CACNA2D4: variants seen among roughly 807,000 people sequenced by gnomAD.
CACNA2D4 encodes the protein voltage-dependent calcium channel subunit alpha-2/delta-4.
Under a neutral mutation model 163.8 loss-of-function variants are expected in CACNA2D4, and 157 were observed. The ratio of observed to expected loss-of-function variants is 0.96; its 90% CI spans 0.84 to 1.09. The LOEUF (loss-of-function observed/expected upper bound fraction) is 1.09. Ranked by LOEUF, CACNA2D4 falls within the 50% of genes least tolerant of loss-of-function variation. CACNA2D4 has a pLI of 0.00. For missense variants in CACNA2D4, 1,410 were observed against 1,479.9 expected, an observed-to-expected ratio of 0.95 and a Z score of 0.78; for synonymous variants, 598 against 586.9, an observed-to-expected ratio of 1.02 and a Z score of -0.27.
rs1215640135 is a variant in CACNA2D4 at position 1,844,116 on chromosome 12, T to C, written c.2470+286A>G. Among the ~76,000 whole-genome samples, 2 of 152,306 alleles carry C rather than the reference T, an allele frequency of 1.3e-5. No individual in the cohort carries two copies. Among genetic ancestry groups the C allele is most frequent in the Admixed American group, 6.5e-5 (1 of 15,300 alleles). ...GACTCTTCTGATCTCATATTTGGAA[T>C]TGGGGCTAGAATCCCATGCTGGGTT... On this transcript the variant is annotated intron_variant, in intron 25 of 37. Coordinates refer to ENST00000382722, the MANE Select transcript of CACNA2D4 (RefSeq NM_172364.5). The surrounding 1 kb of genome is among the most constrained non-coding windows in gnomAD (Gnocchi z 4.2).
intron 2 of CACNA2D4, among the ~76,000 whole-genome samples, 170 bp downstream of exon 2, chr12:1,914,684 C>T (rs1866920023): frequency 6.6e-6 from 1 of 152,188 alleles, no homozygotes; most frequent in Admixed American, 6.5e-5. Flanking sequence ...CCCCACTGCC[C>T]TGCTTTGGGA....
intron 23 of CACNA2D4, among the ~76,000 whole-genome samples, chr12:1,847,895 A>T (rs1015625500): frequency 6.6e-6 from 1 of 152,110 alleles, no homozygotes; most frequent in African/African-American, 2.4e-5. Flanking sequence ...CCATTATTAC[A>T]CCTTAAAAAA....
In CACNA2D4 at chr12:1,798,366, C is replaced by A. The variant is rs1475472210; in HGVS notation, c.2996-831G>T. On this transcript the variant is annotated intron_variant, in intron 34 of 37. Coordinates refer to ENST00000382722, the MANE Select transcript of CACNA2D4 (RefSeq NM_172364.5). This position sits in a 1 kb window ranked among gnomAD's most constrained non-coding sequence, Gnocchi z 4.3. ...AGGCAGGGAGCACAGGTGTGAGCTA[C>A]CTTCCCAGGCTCATGCAGAGTCCTA... 6.6e-6 allele frequency among the ~76,000 whole-genome samples: 1 copy of A among 152,122 alleles called. No homozygotes were observed. Among genetic ancestry groups the A allele is most frequent in the African/African-American group, 2.4e-5 (1 of 41,426 alleles).
At position 1,802,069 on chromosome 12, in the gene CACNA2D4, A is replaced by G. The variant is rs1487794662; in HGVS notation, c.2722-425T>C. Among the ~76,000 whole-genome samples, 1 of 150,204 alleles carries G rather than the reference A, an allele frequency of 6.7e-6. No homozygotes were observed. Among genetic ancestry groups the G allele is most frequent in the East Asian group, 2.0e-4 (1 of 4,960 alleles). On this transcript the variant is annotated intron_variant, in intron 29 of 37. Coordinates refer to ENST00000382722, the MANE Select transcript of CACNA2D4 (RefSeq NM_172364.5). The surrounding 1 kb of genome is among the most constrained non-coding windows in gnomAD (Gnocchi z 4.7). ...TGTGTGTGTGTGTGTGTTGGGTCAG[A>G]TATAAAACACGTTTCTGCAGGTCAA... is the stretch of plus-strand genomic sequence containing the variant.
intron 26 of CACNA2D4, among the ~76,000 whole-genome samples, chr12:1,838,814 CGCA>C (rs1565703337): frequency 1.7e-4 from 26 of 152,238 alleles, no homozygotes; most frequent in African/African-American, 5.5e-4. Context: ...GCAGCACAGG[CGCA>C]GGCTTGGCTG....
chr12:1,816,427 C>G (rs1430479015), intron 26 of CACNA2D4, among the ~76,000 whole-genome samples: 1 of 152,134 alleles, frequency 6.6e-6, no homozygotes, highest in African/African-American at 2.4e-5. Context: ...GAGGACAAAT[C>G]TCAGACCCCT....
chr12:1,795,406 A>G (rs746736655), intron 36 of CACNA2D4, 25 bp from the exon 37 acceptor site: 24 of 1,598,766 alleles, frequency 1.5e-5, no homozygotes, highest in East Asian at 2.2e-5. Flanking sequence ...GTTAAGGTCA[A>G]TATCTCAGGA....
At chr12:1,808,177 C>T (rs1053809067) in intron 29 of CACNA2D4, among the ~76,000 whole-genome samples, 6 of 152,024 alleles carry the variant, frequency 3.9e-5, no homozygotes, top group African/African-American at 9.7e-5. Context: ...CTGGAGAGGC[C>T]ACGTGCTCTC....
chr12:1,831,047 C>T, intron 26 of CACNA2D4: 1 of 1,614,072 alleles, frequency 6.2e-7, no homozygotes, highest in Non-Finnish European at 8.5e-7. Flanking sequence ...TTGGCCTCAC[C>T]ACGGTGCCCC....
At chr12:1,835,061 T>G (rs1592697629) in intron 26 of CACNA2D4, 1 of 257,468 alleles carries the variant, frequency 3.9e-6, no homozygotes, top group Non-Finnish European at 7.4e-6. Flanking sequence ...TGCCCTGGGG[T>G]GGCCATAGCT....
intron 18 of CACNA2D4, among the ~76,000 whole-genome samples, chr12:1,861,529 G>A (rs748564266): frequency 1.3e-5 from 2 of 150,994 alleles, no homozygotes; most frequent in Non-Finnish European, 2.9e-5. Flanking sequence ...TGCAACCTCC[G>A]CCTCCTGGGT....
intron 20 of CACNA2D4, 82 bp downstream of exon 20, chr12:1,858,495 G>A (rs1198901395): frequency 4.0e-6 from 5 of 1,245,154 alleles, no homozygotes; most frequent in African/African-American, 1.5e-5. Context: ...ACTGGCTCTG[G>A]TTGGGGTTGG....
intron 6 of CACNA2D4, among the ~76,000 whole-genome samples, chr12:1,904,481 C>T (rs1348976791): frequency 6.6e-6 from 1 of 151,684 alleles, no homozygotes; most frequent in Non-Finnish European, 1.5e-5. Flanking sequence ...TCATATACCC[C>T]ATAAATATAT....
At chr12:1,831,348 G>T in intron 26 of CACNA2D4, 1 of 1,613,826 alleles carries the variant, frequency 6.2e-7, no homozygotes, top group Non-Finnish European at 8.5e-7. Flanking sequence ...TGGTCTTTTC[G>T]ACGGGCTCCT....
At chr12:1,871,858 C>T (rs1252851172) in intron 18 of CACNA2D4, among the ~76,000 whole-genome samples, 4 of 152,200 alleles carry the variant, frequency 2.6e-5, no homozygotes, top group African/African-American at 9.7e-5. Flanking sequence ...ACTCTGTCTG[C>T]CCCTTCCCTC....
At chr12:1,860,413 G>A (rs553767653) in intron 18 of CACNA2D4, among the ~76,000 whole-genome samples, 1 of 152,378 alleles carries the variant, frequency 6.6e-6, no homozygotes, top group African/African-American at 2.4e-5. Context: ...GCCCTTTGGG[G>A]CGTGGCCTGG....
At position 1,858,628 on chromosome 12, in the gene CACNA2D4, A is replaced by G. The variant is rs1352600421; in HGVS notation, c.1957T>C (p.Ser653Pro). 2 of 1,608,978 alleles carry G rather than the reference A, an allele frequency of 1.2e-6. No individual in the cohort carries two copies. Among genetic ancestry groups the G allele is most frequent in the Admixed American group, 3.4e-5 (2 of 59,590 alleles). The change falls in exon 20 of 38, where the codon TCC (serine) becomes CCC (proline). Residue 653 changes from serine to proline, a missense_variant. By Grantham distance (74) the Ser-to-Pro change is moderately conservative. Coordinates refer to ENST00000382722, the MANE Select transcript of CACNA2D4 (RefSeq NM_172364.5). ...AGGATGTATTCTCCGTGGCCCCGGGACAGCACCACCCCCAAACTGTGGGGA... is the reference window on the plus strand; with the variant it reads ...AGGATGTATTCTCCGTGGCCCCGGGGCAGCACCACCCCCAAACTGTGGGGA... ...DTPFSLGVVLSRGHGEYILLG... is the reference protein window; with the variant it reads ...DTPFSLGVVLPRGHGEYILLG...
chr12:1,869,565 C>T lies in CACNA2D4; in HGVS notation c.1878+5039G>A, dbSNP rs1020071809. 3.3e-5 allele frequency among the ~76,000 whole-genome samples: 5 copies of T among 152,202 alleles called. No homozygotes were observed. The highest frequency in any genetic ancestry group is 1.2e-4 in the African/African-American group (5 of 41,446). ...GATTCCTGTTTTTCCTCTTGAGTTC[C>T]AGTTCGTTCTTGCTTTCTTCCACAT... On this transcript the variant is annotated intron_variant, in intron 18 of 37. Transcript: ENST00000382722. The surrounding 1 kb of genome is among the most constrained non-coding windows in gnomAD (Gnocchi z 4.7).
At chr12:1,808,237 A>G (rs1863603328) in intron 29 of CACNA2D4, among the ~76,000 whole-genome samples, 1 of 152,122 alleles carries the variant, frequency 6.6e-6, no homozygotes, top group Admixed American at 6.5e-5. Flanking sequence ...GCCTCCCCGC[A>G]CGGTTGTCCC....
Sources: allele counts gnomAD v4.1 joint callset (sites outside exome capture counted in the v4.1 genomes callset), GRCh38; gene constraint gnomAD v4.1.1; non-coding constraint Gnocchi (gnomAD v3.1); transcripts MANE v1.5; gene names NCBI Gene and HGNC (gene_info 2026-07-23, HGNC 2026-07-21).